Variants in ODAD2 observed in about 807,000 individuals in gnomAD.
The protein encoded by ODAD2 is outer dynein arm docking complex subunit 2, also known as outer dynein arm-docking complex subunit 2.
ODAD2 carries 89 observed loss-of-function variants against 106.8 expected under a neutral mutation model. The observed-to-expected ratio is 0.83, with a 90% CI of 0.70 to 0.99. The LOEUF (loss-of-function observed/expected upper bound fraction) is 0.99, where lower values mean the gene tolerates loss of function less well. ODAD2 is among the 50% of genes least tolerant of loss of function. The probability of loss-of-function intolerance (pLI) is 0.00; values close to 1 mark genes in which losing one functional copy is unlikely to be tolerated. For synonymous variants in ODAD2, 404 were observed against 436.2 expected (o/e 0.93, Z 0.92); for missense variants, 1,168 against 1,238.5 (o/e 0.94, Z 0.85).
chr10:27,821,416 A>G (rs946988619), intron 19 of ODAD2, among the ~76,000 whole-genome samples: 1 of 152,236 alleles, frequency 6.6e-6, no homozygotes, highest in African/African-American at 2.4e-5. Flanking sequence ...TCTGAAAAAT[A>G]TGTAGCATAT....
intron 9 of ODAD2, among the ~76,000 whole-genome samples, chr10:27,964,180 C>T (rs998085713): frequency 2.2e-4 from 34 of 152,152 alleles, no homozygotes; most frequent in African/African-American, 8.0e-4. Flanking sequence ...CAAGATCGTG[C>T]TACTGCACTC....
intron 19 of ODAD2, among the ~76,000 whole-genome samples, chr10:27,821,835 T>A (rs1836638820): frequency 6.6e-6 from 1 of 152,202 alleles, no homozygotes; most frequent in African/African-American, 2.4e-5. Context: ...GGGCTTACCT[T>A]TTTGAAGTCC....
intron 2 of ODAD2, among the ~76,000 whole-genome samples, chr10:27,990,217 A>G (rs1180209928): frequency 6.6e-6 from 1 of 152,032 alleles, no homozygotes; most frequent in Non-Finnish European, 1.5e-5. Flanking sequence ...GCACAATCAT[A>G]GCTCTCTGCA....
chr10:27,890,449 T>A (rs1337469070), intron 17 of ODAD2, among the ~76,000 whole-genome samples: 2 of 152,234 alleles, frequency 1.3e-5, no homozygotes, highest in East Asian at 3.8e-4. Flanking sequence ...AGTGGTTTCA[T>A]GAATAGCTAG....
intron 19 of ODAD2, among the ~76,000 whole-genome samples, chr10:27,843,605 A>G (rs970534926): frequency 3.9e-5 from 6 of 152,148 alleles, no homozygotes; most frequent in Non-Finnish European, 7.4e-5. Flanking sequence ...ACCTATACTA[A>G]AAATAGAAAA....
chr10:27,857,338 T>G (rs1212330315), intron 19 of ODAD2, among the ~76,000 whole-genome samples: 1 of 152,212 alleles, frequency 6.6e-6, no homozygotes. Context: ...ATACGAAATA[T>G]GTATTAATCA....
Position 27,983,987 on chromosome 10 carries a change from C to T in ODAD2, c.683-8G>A. On this transcript the variant is annotated splice_polypyrimidine_tract_variant and splice_region_variant and intron_variant, in intron 5 of 19. Coordinates refer to ENST00000305242, the MANE Select transcript of ODAD2 (RefSeq NM_018076.5). ...CATTTGAAAATTCATAATCTGAAAC[C>T]AATCATCAAGCAATTAACAGGAGTT... 1 of 1,605,454 alleles carries T rather than the reference C, an allele frequency of 6.2e-7. No individual in the cohort carries two copies. Among genetic ancestry groups the T allele is most frequent in the South Asian group, 1.1e-5 (1 of 88,674 alleles).
chr10:27,981,624 A>G (rs777477268), intron 6 of ODAD2, 42 bp from the exon 7 acceptor site: 2 of 1,339,398 alleles, frequency 1.5e-6, no homozygotes, highest in East Asian at 2.6e-5. Context: ...TAACATAAGA[A>G]CAATTGTAAG....
intron 17 of ODAD2, among the ~76,000 whole-genome samples, chr10:27,903,039 G>T (rs111293535): frequency 6.6e-6 from 1 of 152,056 alleles, no homozygotes; most frequent in Non-Finnish European, 1.5e-5. Flanking sequence ...ACATCGATGC[G>T]AAAATCCTCA....
intron 16 of ODAD2, among the ~76,000 whole-genome samples, chr10:27,916,906 G>GA (rs1234776021): frequency 6.6e-6 from 1 of 151,862 alleles, no homozygotes; most frequent in Non-Finnish European, 1.5e-5. Flanking sequence ...GCTCTAGGAA[G>GA]AAAAAACTAC....
In ODAD2 at chr10:27,824,056, C is replaced by T. The variant is rs1483615546; in HGVS notation, c.3022-11431G>A. Among the ~76,000 whole-genome samples, 6 of 107,258 alleles carry T rather than the reference C, an allele frequency of 5.6e-5. 1 individual carries two copies. The highest frequency in any genetic ancestry group is 6.6e-4 in the South Asian group (2 of 3,024). The allele number at this position is 107,258 out of a possible 152,430, so 70.4% of individuals were successfully genotyped here. ...TCGGGAGGCTGAGGCAGGAGAATGGCGTGAACCCCAGGGGGCGGAGCCTGC... is the reference window on the plus strand; with the variant it reads ...TCGGGAGGCTGAGGCAGGAGAATGGTGTGAACCCCAGGGGGCGGAGCCTGC... On this transcript the variant is annotated intron_variant, in intron 19 of 19. Transcript: ENST00000305242.
At chr10:27,906,722 A>G (rs923466445) in intron 17 of ODAD2, among the ~76,000 whole-genome samples, 1 of 152,216 alleles carries the variant, frequency 6.6e-6, no homozygotes, top group Non-Finnish European at 1.5e-5. Flanking sequence ...AGGGACATGG[A>G]TGAAGCTGGA....
chr10:27,915,848 C>T (rs1844329103), intron 16 of ODAD2, among the ~76,000 whole-genome samples: 1 of 152,084 alleles, frequency 6.6e-6, no homozygotes, highest in Non-Finnish European at 1.5e-5. Context: ...CAGAAAGAAA[C>T]TCTATGATCT....
At position 27,867,954 on chromosome 10, in the gene ODAD2, GA is replaced by G. The variant is rs377335424; in HGVS notation, c.2611-5333del. The stretch of plus-strand genomic sequence containing the variant: ...ACAGAGCAAAACTCTGTCTCAAAAA[GA>G]AAAAAAAAAAGCAGTATAAAAAAGA... On this transcript the variant is annotated intron_variant, in intron 17 of 19. Transcript: ENST00000305242. Among the ~76,000 whole-genome samples, 654 of 127,386 alleles carry G rather than the reference GA, an allele frequency of 5.1e-3. 2 individuals carry two copies. The highest frequency in any genetic ancestry group is 0.014 in the African/African-American group (495 of 34,968). The allele number at this position is 127,386 out of a possible 152,430, so 83.6% of individuals were successfully genotyped here. A position where few individuals can be genotyped will look rare whatever the true frequency, so the allele number is the denominator to read the frequency against.
intron 2 of ODAD2, among the ~76,000 whole-genome samples, chr10:27,993,947 CT>C (rs1850382148): frequency 1.4e-5 from 2 of 145,680 alleles, no homozygotes; most frequent in Admixed American, 1.4e-4. Context: ...GCAAAATAAA[CT>C]GAGGCTGGCA....
intron 17 of ODAD2, among the ~76,000 whole-genome samples, chr10:27,869,133 A>G (rs1397887048): frequency 2.6e-5 from 4 of 152,082 alleles, no homozygotes; most frequent in Non-Finnish European, 4.4e-5. Flanking sequence ...TAAAATAAAA[A>G]TGCATTTTTG....
chr10:27,934,985 T>C, intron 16 of ODAD2, 25 bp downstream of exon 16: 1 of 1,613,086 alleles, frequency 6.2e-7, no homozygotes, highest in Non-Finnish European at 8.5e-7. Flanking sequence ...TTATATAAAA[T>C]CTTTCCATCT....
At chr10:27,971,816 C>T (rs1385945618) in intron 7 of ODAD2, among the ~76,000 whole-genome samples, 1 of 152,072 alleles carries the variant, frequency 6.6e-6, no homozygotes, top group Non-Finnish European at 1.5e-5. Context: ...AAATTCTTTA[C>T]TAAGAATAAA....
chr10:27,927,789 C>T (rs1331187575), intron 16 of ODAD2, among the ~76,000 whole-genome samples: 1 of 152,026 alleles, frequency 6.6e-6, no homozygotes, highest in Non-Finnish European at 1.5e-5. Context: ...GAGACTTTTT[C>T]TTCATTCTCC....
Sources: gnomAD v4.1 joint callset for allele counts (sites outside exome capture counted in the v4.1 genomes callset) on GRCh38, gnomAD v4.1.1 for gene constraint, MANE v1.5 for transcripts, NCBI Gene and HGNC (gene_info 2026-07-23, HGNC 2026-07-21) for gene names.